Variants in ASIC2 observed in about 807,000 individuals in gnomAD.
ASIC2 encodes the protein acid-sensing ion channel 2.
A neutral mutation model predicts 57.3 loss-of-function variants in ASIC2; 25 were observed. That is an observed-to-expected ratio of 0.44 (90% confidence interval 0.32 to 0.61). The LOEUF is 0.61. Ranked by LOEUF, ASIC2 falls within the 20% of genes least tolerant of loss-of-function variation. ASIC2 has a pLI of 0.06. For missense variants in ASIC2, 641 were observed against 738.1 expected (o/e 0.87, Z 1.52); for synonymous variants, 319 against 307.5 (o/e 1.04, Z -0.39).
intron 1 of ASIC2, among the ~76,000 whole-genome samples, chr17:33,268,072 C>G (rs1909538858): frequency 6.6e-6 from 1 of 152,120 alleles, no homozygotes; most frequent in African/African-American, 2.4e-5. Flanking sequence ...GGCAGTTGGT[C>G]CTGTGCATGA....
At position 34,038,970 on chromosome 17, in the gene ASIC2, C is replaced by T. The variant is rs2142043733; in HGVS notation, c.555+117008G>A. ...TCAGTAAATTTGGCTCCGTGTCGGA[C>T]GTAGTAAAGTAGCCCAGTCTCAAGC... On this transcript the variant is annotated intron_variant, in intron 1 of 9. Coordinates refer to the ASIC2 transcript ENST00000359872. 6.2e-6 allele frequency: 10 copies of T among 1,613,948 alleles called. No homozygotes were observed. In the South Asian group the frequency reaches 1.1e-4, roughly 18 times the overall value.
At chr17:33,929,271 C>T (rs538226745) in intron 1 of ASIC2, among the ~76,000 whole-genome samples, 2 of 152,260 alleles carry the variant, frequency 1.3e-5, no homozygotes, top group East Asian at 1.9e-4. Context: ...CCACTGCCCC[C>T]GACCGAGCTG....
intron 1 of ASIC2, among the ~76,000 whole-genome samples, chr17:33,786,005 G>C (rs1276880675): frequency 6.6e-6 from 1 of 152,190 alleles, no homozygotes; most frequent in East Asian, 1.9e-4. Context: ...CATTCTCCCA[G>C]TGTGGAAACT....
intron 1 of ASIC2, among the ~76,000 whole-genome samples, chr17:33,125,576 C>T (rs925019168): frequency 2.0e-5 from 3 of 152,128 alleles, no homozygotes; most frequent in African/African-American, 7.2e-5. Context: ...CCTGGGAATA[C>T]AAAGATAAAT....
intron 3 of ASIC2, among the ~76,000 whole-genome samples, chr17:33,059,923 T>G (rs984110392): frequency 6.6e-6 from 1 of 152,242 alleles, no homozygotes; most frequent in Non-Finnish European, 1.5e-5. Context: ...ATGATGAGCA[T>G]TTTTTCATGT....
chr17:33,365,374 C>A (rs149026077), intron 1 of ASIC2, among the ~76,000 whole-genome samples: 2 of 146,912 alleles, frequency 1.4e-5, no homozygotes, highest in African/African-American at 4.9e-5. Context: ...AGGGTAGTAA[C>A]TGGGTCTTGT....
rs16566 is a variant in ASIC2, at chr17:33,025,492, G to A, written c.1195+434C>T. On this transcript the variant is annotated intron_variant, in intron 5 of 9. Transcript: ENST00000225823. ...GGAGCAGAAGAAAGATGGTACTTCA[G>A]AATCACCTTGGCCTCCCCATGTAGA... is the stretch of plus-strand genomic sequence containing the variant. 5.1e-3 allele frequency among the ~76,000 whole-genome samples: 774 copies of A among 152,230 alleles called. 20 individuals are homozygous for A. Among genetic ancestry groups the A allele is most frequent in the Admixed American group, 0.039 (594 of 15,302 alleles).
Position 33,464,474 on chromosome 17 carries a change from TCTTTTCTC to T in ASIC2, c.556-352415_556-352408del, listed in dbSNP as rs1353428376. Among the ~76,000 whole-genome samples the T allele has an allele frequency of 2.8e-4, 24 of 86,130 alleles. No homozygotes were observed. The East Asian group carries it at 5.2e-3, about 19-fold the overall frequency. The allele number at this position is 86,130 out of a possible 152,430, so 56.5% of individuals were successfully genotyped here. A position where few individuals can be genotyped will look rare whatever the true frequency, so the allele number is the denominator to read the frequency against. ...CTCTTTTTCTCTTTCTTTCTTTCTT[TCTTTTCTC>T]TCTTTCTTTCTTTCTTTCTTTCTTT... On this transcript the variant is annotated intron_variant, in intron 1 of 9. Coordinates refer to the ASIC2 transcript ENST00000359872.
At chr17:33,802,933 G>A (rs1422705392) in intron 1 of ASIC2, among the ~76,000 whole-genome samples, 2 of 152,188 alleles carry the variant, frequency 1.3e-5, no homozygotes, top group Non-Finnish European at 2.9e-5. Context: ...TAATAGCCTC[G>A]TGTTTCTTCC....
At chr17:33,118,681 G>A (rs939273595) in intron 1 of ASIC2, among the ~76,000 whole-genome samples, 1 of 152,098 alleles carries the variant, frequency 6.6e-6, no homozygotes. Flanking sequence ...TTGCACCTGG[G>A]GAGTCTAAGG....
At chr17:33,914,389 A>G (rs929214149) in intron 1 of ASIC2, among the ~76,000 whole-genome samples, 5 of 152,088 alleles carry the variant, frequency 3.3e-5, no homozygotes, top group Admixed American at 2.6e-4. Context: ...GTGGACCTGG[A>G]TGCTGATGGT....
At chr17:33,392,013 C>A (rs562372809) in intron 1 of ASIC2, among the ~76,000 whole-genome samples, 2 of 152,140 alleles carry the variant, frequency 1.3e-5, no homozygotes, top group Non-Finnish European at 2.9e-5. Context: ...AAAACCGCTC[C>A]TCTGGTCTGT....
At chr17:33,755,147 C>T (rs1370695315) in intron 1 of ASIC2, among the ~76,000 whole-genome samples, 1 of 152,002 alleles carries the variant, frequency 6.6e-6, no homozygotes, top group Admixed American at 6.6e-5. Context: ...GGCAGGGGGA[C>T]ATTTGACTAC....
intron 1 of ASIC2, among the ~76,000 whole-genome samples, chr17:33,932,204 A>G (rs557704867): frequency 4.2e-4 from 64 of 151,954 alleles, no homozygotes; most frequent in Non-Finnish European, 7.6e-4. Flanking sequence ...AGGCTGCAGG[A>G]GCTCTCTGTT....
At chr17:34,154,184 C>T (rs1904628927) in intron 1 of ASIC2, among the ~76,000 whole-genome samples, 1 of 152,202 alleles carries the variant, frequency 6.6e-6, no homozygotes, top group Admixed American at 6.5e-5. Flanking sequence ...CATTTCCAAG[C>T]TGCACGGTGC....
intron 9 of ASIC2, 89 bp downstream of exon 9, chr17:33,015,882 T>C (rs2141890433): frequency 7.1e-7 from 1 of 1,415,538 alleles, no homozygotes; most frequent in East Asian, 2.3e-5. Context: ...GTGAGTCACA[T>C]CTTTCCTGCC....
Position 34,060,478 on chromosome 17 carries a change from G to A in ASIC2, c.555+95500C>T, listed in dbSNP as rs186403321. 9.2e-5 allele frequency among the ~76,000 whole-genome samples: 14 copies of A among 152,146 alleles called. No homozygotes were observed. In the East Asian group the frequency reaches 2.7e-3, roughly 29 times the overall value. ...AAAATCACACTAGTTCACCAGCAATGGATCCAAACCAATAAGAAATCCTTG... is the reference window on the plus strand; with the variant it reads ...AAAATCACACTAGTTCACCAGCAATAGATCCAAACCAATAAGAAATCCTTG... On this transcript the variant is annotated intron_variant, in intron 1 of 9. Coordinates refer to the ASIC2 transcript ENST00000359872.
intron 1 of ASIC2, among the ~76,000 whole-genome samples, chr17:33,814,938 T>C (rs949117325): frequency 6.6e-6 from 1 of 152,170 alleles, no homozygotes; most frequent in African/African-American, 2.4e-5. Flanking sequence ...TAAATGTCAG[T>C]TGAAATGGGA....
chr17:33,593,682 T>C (rs1229007048), intron 1 of ASIC2, among the ~76,000 whole-genome samples: 1 of 152,212 alleles, frequency 6.6e-6, no homozygotes, highest in Non-Finnish European at 1.5e-5. Flanking sequence ...AGGCACTTCA[T>C]CTGAATAAGT....
Sources: allele counts gnomAD v4.1 joint callset (sites outside exome capture counted in the v4.1 genomes callset), GRCh38; gene constraint gnomAD v4.1.1; transcripts MANE v1.5; gene names NCBI Gene and HGNC (gene_info 2026-07-23, HGNC 2026-07-21).